The following KIAA0825 variants were observed in gnomAD, a reference collection of about 807,000 sequenced individuals.
KIAA0825 encodes uncharacterized protein KIAA0825.
A neutral mutation model predicts 147.6 loss-of-function variants in KIAA0825; 119 were observed. The ratio of observed to expected loss-of-function variants is 0.81; its 90% CI spans 0.69 to 0.94. The LOEUF is 0.94. Among genes scored for constraint, KIAA0825 ranks in the 40% least tolerant of loss-of-function variants. The pLI is 0.00. For synonymous variants in KIAA0825, 470 were observed against 518.1 expected (o/e 0.91, Z 1.26); for missense variants, 1,381 against 1,472.7 (o/e 0.94, Z 1.02).
intron 20 of KIAA0825, among the ~76,000 whole-genome samples, chr5:94,244,986 G>T (rs1481496410): frequency 6.6e-6 from 1 of 152,098 alleles, no homozygotes; most frequent in Non-Finnish European, 1.5e-5. Flanking sequence ...TAAGTGCTTT[G>T]CTATGCAACC....
At chr5:94,524,436 C>T (rs1229555830) in intron 3 of KIAA0825, among the ~76,000 whole-genome samples, 1 of 151,506 alleles carries the variant, frequency 6.6e-6, no homozygotes, top group Non-Finnish European at 1.5e-5. Context: ...AAATACTGAA[C>T]ACTGTAAATA....
chr5:94,505,998 T>A (rs1765693614), intron 5 of KIAA0825, among the ~76,000 whole-genome samples: 2 of 152,204 alleles, frequency 1.3e-5, no homozygotes, highest in Admixed American at 1.3e-4. Flanking sequence ...TTGACTATTG[T>A]CCCCAGGTAG....
intron 5 of KIAA0825, among the ~76,000 whole-genome samples, chr5:94,494,086 G>A (rs1764052523): frequency 6.6e-6 from 1 of 152,078 alleles, no homozygotes; most frequent in African/African-American, 2.4e-5. Flanking sequence ...CTGGGTCAAT[G>A]AGAAAAACTG....
intron 5 of KIAA0825, among the ~76,000 whole-genome samples, chr5:94,515,562 C>A (rs1346330257): frequency 6.6e-6 from 1 of 152,074 alleles, no homozygotes; most frequent in Non-Finnish European, 1.5e-5. Context: ...GAGGCCAAGG[C>A]GGGTGGATCA....
At position 94,150,908 on chromosome 5, in the gene KIAA0825, T is replaced by A. The variant is rs1020743236; in HGVS notation, c.*3099A>T. On this transcript the variant is annotated 3_prime_UTR_variant, in exon 21 of 21. Transcript: ENST00000682413. ...AAAATTATTTCATACTGTTTTCACA[T>A]AGTAACTGCTAAACCAATAATAAAA... is the stretch of plus-strand genomic sequence containing the variant. Among the ~76,000 whole-genome samples the A allele has an allele frequency of 6.6e-6, 1 of 152,164 alleles. No individual in the cohort carries two copies. The highest frequency in any genetic ancestry group is 2.4e-5 in the African/African-American group (1 of 41,456).
At chr5:94,241,953 T>G (rs1408282658) in intron 20 of KIAA0825, among the ~76,000 whole-genome samples, 1 of 152,234 alleles carries the variant, frequency 6.6e-6, no homozygotes, top group Admixed American at 6.5e-5. Context: ...ACCAGTAGAT[T>G]GTTTTACTTT....
At chr5:94,218,049 A>T (rs938973646) in intron 20 of KIAA0825, among the ~76,000 whole-genome samples, 2 of 152,182 alleles carry the variant, frequency 1.3e-5, no homozygotes, top group Non-Finnish European at 2.9e-5. Context: ...AATAAAACAC[A>T]AACACGTAGG....
rs554758540 is a variant in KIAA0825, at chr5:94,526,091, A to G, written c.132-1993T>C. On this transcript the variant is annotated intron_variant, in intron 3 of 20. Transcript: ENST00000682413. ...AAAAACTTAATCATCTGAAGTCTAG[A>G]TATTTCTTGTCCAATTGTTATACAA... is the stretch of plus-strand genomic sequence containing the variant. Among the ~76,000 whole-genome samples the G allele has an allele frequency of 1.2e-4, 19 of 152,122 alleles. No homozygotes were observed. In the South Asian group the frequency reaches 3.1e-3, roughly 25 times the overall value.
intron 2 of KIAA0825, among the ~76,000 whole-genome samples, chr5:94,556,828 C>G (rs1584881515): frequency 6.6e-6 from 1 of 152,298 alleles, no homozygotes; most frequent in East Asian, 1.9e-4. Context: ...CCTGTGTTCT[C>G]ACCTCTCATT....
chr5:94,190,742 G>A (rs1033697103), intron 20 of KIAA0825, among the ~76,000 whole-genome samples: 5 of 151,476 alleles, frequency 3.3e-5, no homozygotes, highest in African/African-American at 7.3e-5. Flanking sequence ...ATTTTGATAT[G>A]GTGAATTGAA....
intron 12 of KIAA0825, among the ~76,000 whole-genome samples, chr5:94,456,327 G>A (rs1759106229): frequency 6.6e-6 from 1 of 152,106 alleles, no homozygotes; most frequent in Non-Finnish European, 1.5e-5. Context: ...TAGCTCCATA[G>A]ATTGCTCTAC....
intron 5 of KIAA0825, among the ~76,000 whole-genome samples, chr5:94,499,751 G>C (rs1340100457): frequency 1.3e-5 from 2 of 152,100 alleles, no homozygotes; most frequent in African/African-American, 4.8e-5. Context: ...AAATGGTTCA[G>C]TTAAGAAGAT....
At chr5:94,460,464 G>A (rs189669949) in intron 12 of KIAA0825, among the ~76,000 whole-genome samples, 2 of 152,172 alleles carry the variant, frequency 1.3e-5, no homozygotes, top group East Asian at 1.9e-4. Context: ...CAGTTTATCC[G>A]TCAGAACTAC....
At chr5:94,507,733 T>C (rs1765929286) in intron 5 of KIAA0825, among the ~76,000 whole-genome samples, 1 of 150,912 alleles carries the variant, frequency 6.6e-6, no homozygotes, top group South Asian at 2.1e-4. Context: ...ATGCTCACTA[T>C]ATAAGGAAAA....
chr5:94,504,361 C>A (rs1224964707), intron 5 of KIAA0825, among the ~76,000 whole-genome samples: 1 of 152,148 alleles, frequency 6.6e-6, no homozygotes, highest in Non-Finnish European at 1.5e-5. Context: ...AGGATCAAAG[C>A]AGCCATGATA....
intron 20 of KIAA0825, among the ~76,000 whole-genome samples, chr5:94,155,244 G>C (rs1264823454): frequency 1.4e-5 from 2 of 146,582 alleles, no homozygotes; most frequent in Admixed American, 6.8e-5. Flanking sequence ...TTGAGACAGG[G>C]TCTCCCTCTG....
chr5:94,288,339 A>G (rs1415137690), intron 20 of KIAA0825, among the ~76,000 whole-genome samples: 2 of 152,178 alleles, frequency 1.3e-5, no homozygotes, highest in African/African-American at 4.8e-5. Flanking sequence ...AAAAGTGTTT[A>G]AAAACAGTAT....
chr5:94,474,338 G>C (rs909044049), intron 7 of KIAA0825, among the ~76,000 whole-genome samples: 1 of 152,100 alleles, frequency 6.6e-6, no homozygotes. Flanking sequence ...ATGGGTAGCA[G>C]GCTGAACCTA....
chr5:94,462,986 C>A (rs1196727852), intron 11 of KIAA0825, among the ~76,000 whole-genome samples: 3 of 151,828 alleles, frequency 2.0e-5, no homozygotes, highest in Non-Finnish European at 4.4e-5. Context: ...TCTCCTCACT[C>A]ATATGTAAGC....
Sources: gnomAD v4.1 joint callset for allele counts (sites outside exome capture counted in the v4.1 genomes callset) on GRCh38, gnomAD v4.1.1 for gene constraint, MANE v1.5 for transcripts, NCBI Gene and HGNC (gene_info 2026-07-23, HGNC 2026-07-21) for gene names.